Variants in GPC6 observed in about 807,000 individuals in gnomAD.
GPC6 encodes the protein glypican-6.
In GPC6, 14 loss-of-function variants were observed where a neutral mutation model predicts 55.2. The ratio of observed to expected loss-of-function variants is 0.25; its 90% CI spans 0.17 to 0.40. The LOEUF (loss-of-function observed/expected upper bound fraction) is 0.40, where lower values mean the gene tolerates loss of function less well. Among genes scored for constraint, GPC6 ranks in the 10% least tolerant of loss-of-function variants. The pLI, the probability that GPC6 is intolerant of heterozygous loss-of-function variation, is 1.00. For synonymous variants in GPC6, 278 were observed against 259.6 expected (o/e 1.07, Z -0.68); for missense variants, 641 against 708.5 (o/e 0.90, Z 1.08).
At chr13:93,513,786 G>A (rs573296805) in intron 1 of GPC6, among the ~76,000 whole-genome samples, 19 of 151,536 alleles carry the variant, frequency 1.3e-4, no homozygotes, top group African/African-American at 3.6e-4. Flanking sequence ...AAGTCCTTGG[G>A]TTGTAAGTGC....
chr13:93,638,217 C>A (rs1466910436), intron 2 of GPC6, among the ~76,000 whole-genome samples: 1 of 152,018 alleles, frequency 6.6e-6, no homozygotes, highest in Non-Finnish European at 1.5e-5. Context: ...ACAAAATGGG[C>A]ATAACATTTA....
chr13:94,255,623 T>G (rs1891480714), intron 4 of GPC6, among the ~76,000 whole-genome samples: 1 of 152,106 alleles, frequency 6.6e-6, no homozygotes, highest in East Asian at 1.9e-4. Context: ...GCTCTTTTCC[T>G]TATAGAGTCA....
At position 93,561,404 on chromosome 13, in the gene GPC6, G is replaced by GATATATATATAT. The variant is rs66957373; in HGVS notation, c.319+15994_319+16005dup. ...AATAATTGCATACTATATCCCTATC[G>GATATATATATAT]ATATATATATATATATATATATTTG... On this transcript the variant is annotated intron_variant, in intron 2 of 8. Transcript: ENST00000377047. Among the ~76,000 whole-genome samples the GATATATATATAT allele has an allele frequency of 4.6e-4, 48 of 104,686 alleles. 5 individuals carry two copies. Among genetic ancestry groups the GATATATATATAT allele is most frequent in the African/African-American group, 1.1e-3 (26 of 24,120 alleles). 68.7% of individuals were successfully genotyped at this position (104,686 alleles called of 152,430 possible). A position where few individuals can be genotyped will look rare whatever the true frequency, so the allele number is the denominator to read the frequency against.
intron 1 of GPC6, among the ~76,000 whole-genome samples, chr13:93,231,397 G>A (rs9561286): frequency 0.17 from 6,964 of 42,056 alleles, 599 homozygotes; most frequent in South Asian, 0.2. Flanking sequence ...ATATATATAT[G>A]TATATATATA....
intron 1 of GPC6, among the ~76,000 whole-genome samples, chr13:93,459,303 C>G (rs1408013578): frequency 6.6e-6 from 1 of 152,236 alleles, no homozygotes; most frequent in African/African-American, 2.4e-5. Context: ...TGGCTTCAAA[C>G]AGTCCTCCCA....
At chr13:93,992,360 A>G (rs949570336) in intron 3 of GPC6, among the ~76,000 whole-genome samples, 5 of 152,278 alleles carry the variant, frequency 3.3e-5, no homozygotes, top group African/African-American at 1.2e-4. Context: ...TTTCAGTGAA[A>G]TAGAAGGGTA....
chr13:93,889,799 A>G (rs1212428317), intron 3 of GPC6, among the ~76,000 whole-genome samples: 1 of 152,006 alleles, frequency 6.6e-6, no homozygotes, highest in Non-Finnish European at 1.5e-5. Flanking sequence ...GGAGTTTGCT[A>G]TGGCCATATG....
chr13:93,810,853 T>C (rs1886675258), intron 2 of GPC6, among the ~76,000 whole-genome samples: 1 of 152,224 alleles, frequency 6.6e-6, no homozygotes, highest in Non-Finnish European at 1.5e-5. Flanking sequence ...CATATGTATA[T>C]TTTCTTTCTT....
At chr13:93,423,379 A>C (rs1353345084) in intron 1 of GPC6, among the ~76,000 whole-genome samples, 2 of 152,184 alleles carry the variant, frequency 1.3e-5, no homozygotes. Context: ...AAAAAGTCAA[A>C]TGTCCCTGAA....
chr13:94,332,140 G>A (rs962240328), intron 6 of GPC6, among the ~76,000 whole-genome samples: 5 of 152,136 alleles, frequency 3.3e-5, no homozygotes, highest in African/African-American at 7.2e-5. Flanking sequence ...ACTATTACCC[G>A]ATATTCAAAA....
At chr13:94,001,336 G>C (rs909365729) in intron 3 of GPC6, among the ~76,000 whole-genome samples, 1 of 152,164 alleles carries the variant, frequency 6.6e-6, no homozygotes, top group Non-Finnish European at 1.5e-5. Context: ...ATGTCATTAT[G>C]TTAGTTAAAA....
intron 3 of GPC6, among the ~76,000 whole-genome samples, chr13:93,994,881 G>A (rs1011831177): frequency 6.6e-6 from 1 of 152,096 alleles, no homozygotes; most frequent in Non-Finnish European, 1.5e-5. Context: ...TTTCTACACT[G>A]TATGCTGAGA....
intron 4 of GPC6, among the ~76,000 whole-genome samples, chr13:94,133,781 A>G (rs893244841): frequency 6.6e-6 from 1 of 152,012 alleles, no homozygotes; most frequent in Non-Finnish European, 1.5e-5. Context: ...TTCATGGATT[A>G]CTGATAGCAG....
chr13:93,874,335 C>T (rs1889223246), intron 3 of GPC6, among the ~76,000 whole-genome samples: 1 of 151,800 alleles, frequency 6.6e-6, no homozygotes, highest in Admixed American at 6.6e-5. Flanking sequence ...TTGCTAAAGA[C>T]AACGGCCTCC....
intron 4 of GPC6, among the ~76,000 whole-genome samples, chr13:94,064,725 G>A (rs577017593): frequency 1.3e-5 from 2 of 152,028 alleles, no homozygotes; most frequent in South Asian, 2.1e-4. Context: ...CAAATCTAGG[G>A]CATTAAAATC....
Position 93,478,235 on chromosome 13 carries a change from C to T in GPC6, c.161-67028C>T, listed in dbSNP as rs149958979. Among the ~76,000 whole-genome samples, 71 of 152,218 alleles carry T rather than the reference C, an allele frequency of 4.7e-4. 1 individual carries two copies. Among genetic ancestry groups the T allele is most frequent in the Middle Eastern group, 3.4e-3 (1 of 294 alleles). ...AGTTCTAGTCTCCAGTGAAAAAAGTCGTCAATAAGACATGGCCCAGGTCTC... is the reference window on the plus strand; with the variant it reads ...AGTTCTAGTCTCCAGTGAAAAAAGTTGTCAATAAGACATGGCCCAGGTCTC... On this transcript the variant is annotated intron_variant, in intron 1 of 8. Coordinates refer to ENST00000377047, the MANE Select transcript of GPC6 (RefSeq NM_005708.5).
At chr13:93,726,096 T>C (rs1272812315) in intron 2 of GPC6, among the ~76,000 whole-genome samples, 1 of 123,890 alleles carries the variant, frequency 8.1e-6, no homozygotes, top group Non-Finnish European at 1.7e-5. Context: ...AAAGACTTTT[T>C]CCTTCATACA....
chr13:93,924,511 C>T (rs1010998735), intron 3 of GPC6, among the ~76,000 whole-genome samples: 1 of 152,162 alleles, frequency 6.6e-6, no homozygotes, highest in Non-Finnish European at 1.5e-5. Flanking sequence ...TATTGTACAT[C>T]CTGAACCTGA....
chr13:94,115,456 T>A (rs2138845874), intron 4 of GPC6, among the ~76,000 whole-genome samples: 1 of 152,266 alleles, frequency 6.6e-6, no homozygotes, highest in African/African-American at 2.4e-5. Context: ...ACAAAGGGAC[T>A]GCTTTTTCTT....
Sources: allele counts gnomAD v4.1 joint callset (sites outside exome capture counted in the v4.1 genomes callset), GRCh38; gene constraint gnomAD v4.1.1; transcripts MANE v1.5; gene names NCBI Gene and HGNC (gene_info 2026-07-23, HGNC 2026-07-21).